The following PLCH1 variants were observed in gnomAD, a reference collection of about 807,000 sequenced individuals.
PLCH1 encodes the protein 1-phosphatidylinositol 4,5-bisphosphate phosphodiesterase eta-1.
Under a neutral mutation model 126.7 loss-of-function variants are expected in PLCH1, and 60 were observed. The observed-to-expected ratio is 0.47, with a 90% CI of 0.38 to 0.59. The LOEUF is 0.59. Ranked by LOEUF, PLCH1 falls within the 20% of genes least tolerant of loss-of-function variation. The pLI is 0.00. For missense variants in PLCH1, 1,723 were observed against 2,040.0 expected (o/e 0.84, Z 2.99); for synonymous variants, 719 against 734.9 (o/e 0.98, Z 0.35).
chr3:155,701,821 A>G (rs1230152140), intron 2 of PLCH1, among the ~76,000 whole-genome samples: 1 of 152,188 alleles, frequency 6.6e-6, no homozygotes, highest in Non-Finnish European at 1.5e-5. Flanking sequence ...ATGTTAACAG[A>G]TTCATTTTCA....
chr3:155,623,811 T>C (rs1297052685), intron 2 of PLCH1, among the ~76,000 whole-genome samples: 2 of 152,208 alleles, frequency 1.3e-5, no homozygotes, highest in African/African-American at 4.8e-5. Flanking sequence ...AGTCGAATTC[T>C]ACCAGAGGTA....
At chr3:155,540,961 C>T (rs1724148176) in intron 10 of PLCH1, among the ~76,000 whole-genome samples, 1 of 152,022 alleles carries the variant, frequency 6.6e-6, no homozygotes, top group African/African-American at 2.4e-5. Context: ...GCACAAGTCA[C>T]AATTGCAAAG....
chr3:155,564,615 G>A (rs1728073764), intron 8 of PLCH1, among the ~76,000 whole-genome samples: 1 of 151,924 alleles, frequency 6.6e-6, no homozygotes, highest in African/African-American at 2.4e-5. Context: ...GAGCTCTCCT[G>A]AACTATTTTT....
In PLCH1 at chr3:155,684,500, G is replaced by A. The variant is rs1019737145; in HGVS notation, c.79+19646C>T. On this transcript the variant is annotated intron_variant, in intron 2 of 22. Coordinates refer to ENST00000460012, the MANE Select transcript of PLCH1 (RefSeq NM_014996.4). ...ACAGGAAACGGGTCTCCAAGGGAGC[G>A]GGATGGCCATAAACTCCTGAAGGAC... 5.3e-5 allele frequency among the ~76,000 whole-genome samples: 8 copies of A among 152,150 alleles called. No homozygotes were observed. In the East Asian group the frequency reaches 1.2e-3, roughly 22 times the overall value.
chr3:155,599,987 C>T (rs1199997260), intron 2 of PLCH1, among the ~76,000 whole-genome samples: 2 of 152,122 alleles, frequency 1.3e-5, no homozygotes, highest in Admixed American at 1.3e-4. Context: ...GAGTCTGAAA[C>T]AATAGGCTTC....
At chr3:155,687,769 T>C (rs1259790085) in intron 2 of PLCH1, among the ~76,000 whole-genome samples, 1 of 152,228 alleles carries the variant, frequency 6.6e-6, no homozygotes, top group Non-Finnish European at 1.5e-5. Flanking sequence ...CTGACTGATA[T>C]AATTCCCAAG....
intron 9 of PLCH1, among the ~76,000 whole-genome samples, chr3:155,553,630 A>C (rs1463307306): frequency 6.6e-6 from 1 of 152,202 alleles, no homozygotes. Context: ...CAAAAAAGGC[A>C]AGTAGTGGGG....
intron 2 of PLCH1, among the ~76,000 whole-genome samples, chr3:155,645,937 T>C (rs1035476957): frequency 6.6e-6 from 1 of 152,100 alleles, no homozygotes; most frequent in Non-Finnish European, 1.5e-5. Flanking sequence ...GATTGACTAG[T>C]TTGAATAATT....
intron 1 of PLCH1, among the ~76,000 whole-genome samples, chr3:155,713,261 G>A (rs1747278695): frequency 6.6e-6 from 1 of 152,114 alleles, no homozygotes; most frequent in Non-Finnish European, 1.5e-5. Context: ...GAACCAAGGA[G>A]AAGAGACAGG....
In PLCH1 at chr3:155,744,456, G is replaced by A. The variant is rs552567313; in HGVS notation, c.-41+384C>T. ...AACGCGGACCTGCTCTCCTGGCGGC[G>A]TCTGGCGGTCAGAGAGAGGGTCCCG... On this transcript the variant is annotated intron_variant, in intron 1 of 22. Transcript: ENST00000460012. Among the ~76,000 whole-genome samples the A allele has an allele frequency of 1.8e-4, 28 of 152,322 alleles. No individual in the cohort carries two copies. In the South Asian group the frequency reaches 2.7e-3, roughly 15 times the overall value.
At chr3:155,490,934 G>A in intron 18 of PLCH1, 66 bp from the exon 19 acceptor site, 2 of 896,286 alleles carry the variant, frequency 2.2e-6, no homozygotes, top group South Asian at 1.4e-5. Context: ...ATTAATCTGA[G>A]AATATTGGCC....
chr3:155,616,152 C>G (rs1006520633), intron 2 of PLCH1, among the ~76,000 whole-genome samples: 1 of 152,070 alleles, frequency 6.6e-6, no homozygotes, highest in South Asian at 2.1e-4. Context: ...ACACTCTACA[C>G]CTGATACATA....
chr3:155,504,482 T>G, intron 13 of PLCH1, 73 bp downstream of exon 13: 9 of 825,416 alleles, frequency 1.1e-5, no homozygotes, highest in South Asian at 1.5e-5. Flanking sequence ...AAGGTCATGA[T>G]GATATTCTCC....
intron 10 of PLCH1, among the ~76,000 whole-genome samples, chr3:155,526,489 TACACACACACACACAC>T (rs35144196): frequency 1.7e-4 from 21 of 126,666 alleles, no homozygotes; most frequent in South Asian, 5.7e-4. Context: ...CTCTCTCTCA[TACACACACACACACAC>T]ACACACACAC....
At chr3:155,544,199 A>G (rs1231761413) in intron 10 of PLCH1, among the ~76,000 whole-genome samples, 1 of 152,228 alleles carries the variant, frequency 6.6e-6, no homozygotes, top group African/African-American at 2.4e-5. Flanking sequence ...AAGATCTACC[A>G]AGCAAATGGA....
chr3:155,543,380 G>A (rs1191424703), intron 10 of PLCH1, among the ~76,000 whole-genome samples: 2 of 152,132 alleles, frequency 1.3e-5, no homozygotes, highest in Admixed American at 6.5e-5. Flanking sequence ...AAGAAATATG[G>A]GACTATGTGA....
At chr3:155,585,539 T>C (rs1343183937) in intron 5 of PLCH1, among the ~76,000 whole-genome samples, 3 of 152,208 alleles carry the variant, frequency 2.0e-5, no homozygotes, top group African/African-American at 7.2e-5. Flanking sequence ...AGAATTTTTC[T>C]CAATGACTCA....
intron 6 of PLCH1, among the ~76,000 whole-genome samples, chr3:155,580,970 T>G (rs1730585745): frequency 6.6e-6 from 1 of 152,198 alleles, no homozygotes. Flanking sequence ...ATAGTATCTA[T>G]TCATACAAGG....
At chr3:155,647,305 A>C (rs1477233801) in intron 2 of PLCH1, among the ~76,000 whole-genome samples, 1 of 151,838 alleles carries the variant, frequency 6.6e-6, no homozygotes, top group African/African-American at 2.4e-5. Context: ...TTAACGTTTT[A>C]AAGAATTCCC....
Sources: allele counts gnomAD v4.1 joint callset (sites outside exome capture counted in the v4.1 genomes callset), GRCh38; gene constraint gnomAD v4.1.1; transcripts MANE v1.5; gene names NCBI Gene and HGNC (gene_info 2026-07-23, HGNC 2026-07-21).